Variants in SPPL3 observed in about 807,000 individuals in gnomAD.
SPPL3 encodes signal peptide peptidase like 3.
A neutral mutation model predicts 42.4 loss-of-function variants in SPPL3; 5 were observed. The ratio of observed to expected loss-of-function variants is 0.12; its 90% confidence interval spans 0.06 to 0.25. The LOEUF (loss-of-function observed/expected upper bound fraction) is 0.25, where lower values mean the gene tolerates loss of function less well. SPPL3 is among the 10% of genes least tolerant of loss of function. The probability of loss-of-function intolerance (pLI) is 1.00; values close to 1 mark genes in which losing one functional copy is unlikely to be tolerated. For synonymous variants in SPPL3, 195 were observed against 181.8 expected (o/e 1.07, Z -0.58); for missense variants, 235 against 489.0 (o/e 0.48, Z 4.90).
intron 1 of SPPL3, among the ~76,000 whole-genome samples, chr12:120,892,562 C>A (rs1168948): frequency 0.49 from 74,196 of 151,664 alleles, 18,332 homozygotes; most frequent in East Asian, 0.56. Flanking sequence ...TGAAGTAACA[C>A]GTAATATTTA....
chr12:120,818,664 A>G (rs959304072), intron 1 of SPPL3, among the ~76,000 whole-genome samples: 1 of 152,244 alleles, frequency 6.6e-6, no homozygotes, highest in East Asian at 1.9e-4. Flanking sequence ...AGCAACTACT[A>G]TTCTAACACT....
At chr12:120,879,682 T>C (rs1258080383) in intron 1 of SPPL3, among the ~76,000 whole-genome samples, 1 of 152,048 alleles carries the variant, frequency 6.6e-6, no homozygotes, top group Non-Finnish European at 1.5e-5. Context: ...AATTGCAGAG[T>C]CAAAAATACC....
intron 1 of SPPL3, among the ~76,000 whole-genome samples, chr12:120,894,995 G>T (rs191858850): frequency 1.3e-5 from 2 of 151,974 alleles, no homozygotes; most frequent in African/African-American, 2.4e-5. Flanking sequence ...CTCCTCCTCA[G>T]GCATTTTTAG....
At chr12:120,776,940 T>G (rs928836414) in intron 6 of SPPL3, among the ~76,000 whole-genome samples, 12 of 152,230 alleles carry the variant, frequency 7.9e-5, no homozygotes, top group Non-Finnish European at 1.8e-4. Context: ...TCATCCTGCT[T>G]AGGTGATTAC....
chr12:120,877,781 T>TAAAAAAA (rs201989284), intron 1 of SPPL3, among the ~76,000 whole-genome samples: 2 of 130,140 alleles, frequency 1.5e-5, no homozygotes, highest in African/African-American at 2.9e-5. Flanking sequence ...AACTCCGTCT[T>TAAAAAAA]AAAAAAAAAA....
intron 1 of SPPL3, among the ~76,000 whole-genome samples, chr12:120,882,684 T>C (rs1873328586): frequency 6.6e-6 from 1 of 152,120 alleles, no homozygotes; most frequent in African/African-American, 2.4e-5. Flanking sequence ...AAAAAGCATA[T>C]AACAAAACAC....
chr12:120,816,170 G>A (rs1051848074), intron 1 of SPPL3, among the ~76,000 whole-genome samples: 1 of 152,182 alleles, frequency 6.6e-6, no homozygotes, highest in Non-Finnish European at 1.5e-5. Context: ...ATATAAGAGT[G>A]TGACTAAGGT....
chr12:120,880,780 C>A (rs1290678367), intron 1 of SPPL3, among the ~76,000 whole-genome samples: 1 of 151,670 alleles, frequency 6.6e-6, no homozygotes, highest in African/African-American at 2.4e-5. Context: ...GAGAGAGACT[C>A]CGTCTCGGGG....
At chr12:120,874,363 G>T (rs1873014200) in intron 1 of SPPL3, among the ~76,000 whole-genome samples, 1 of 147,228 alleles carries the variant, frequency 6.8e-6, no homozygotes, top group Non-Finnish European at 1.5e-5. Context: ...TGAGGCAGGA[G>T]AATTGATTGA....
intron 1 of SPPL3, among the ~76,000 whole-genome samples, chr12:120,814,861 A>AC (rs1006970528): frequency 3.3e-5 from 5 of 151,796 alleles, no homozygotes; most frequent in Admixed American, 2.6e-4. Context: ...ATCTCCCTCT[A>AC]CCCCCCTTTT....
intron 1 of SPPL3, among the ~76,000 whole-genome samples, chr12:120,813,216 G>T (rs544976143): frequency 2.0e-4 from 30 of 151,532 alleles, no homozygotes; most frequent in African/African-American, 7.3e-4. Flanking sequence ...GCATACAGAG[G>T]AGGACATTAC....
rs1206809102 is a variant in SPPL3 at position 120,763,538 on chromosome 12, A to T, written c.*1461T>A. On this transcript the variant is annotated 3_prime_UTR_variant, in exon 11 of 11. Coordinates refer to ENST00000353487, the MANE Select transcript of SPPL3 (RefSeq NM_139015.5). ...AACCGCAGGCTTCTCTTTGCCTCTG[A>T]ACAATGGGCACCTTCTTACCAGGCA... The T allele has an allele frequency of 1.3e-5, 2 of 152,724 alleles. No homozygotes were observed. The highest frequency in any genetic ancestry group is 4.8e-5 in the African/African-American group (2 of 41,460). The allele number at this position is 152,724 out of a possible 1,614,324, so 9.5% of individuals were successfully genotyped here.
At position 120,810,663 on chromosome 12, in the gene SPPL3, A is replaced by C. The variant is rs537237064; in HGVS notation, c.101+146T>G. 76 of 666,922 alleles carry C rather than the reference A, an allele frequency of 1.1e-4. No individual in the cohort carries two copies. In the African/African-American group the frequency reaches 1.2e-3, roughly 11 times the overall value. The allele number at this position is 666,922 out of a possible 1,614,324, so 41.3% of individuals were successfully genotyped here. ...GTGTTTAACAGCAGCCAATTAAAGA[A>C]CAAATAGCAGAACTCTCTATTCTGA... On this transcript the variant is annotated intron_variant, in intron 2 of 10. Transcript: ENST00000353487.
chr12:120,789,269 C>T (rs979593793), intron 3 of SPPL3, among the ~76,000 whole-genome samples: 2 of 151,420 alleles, frequency 1.3e-5, no homozygotes, highest in Non-Finnish European at 2.9e-5. Context: ...GCCAGGGCAA[C>T]ATGGTGAAAC....
intron 1 of SPPL3, among the ~76,000 whole-genome samples, chr12:120,888,576 T>C (rs1873537342): frequency 1.3e-5 from 2 of 152,122 alleles, no homozygotes; most frequent in Admixed American, 1.3e-4. Context: ...AAGCTATGTA[T>C]CATTCGATTA....
chr12:120,806,460 GA>G (rs1310784620), intron 2 of SPPL3, among the ~76,000 whole-genome samples: 1 of 152,032 alleles, frequency 6.6e-6, no homozygotes, highest in African/African-American at 2.4e-5. Context: ...TTATAAAGAT[GA>G]AATTAAATTT....
intron 2 of SPPL3, 102 bp from the exon 3 acceptor site, chr12:120,791,659 A>C: frequency 1.3e-6 from 1 of 751,372 alleles, no homozygotes; most frequent in Non-Finnish European, 2.2e-6. Flanking sequence ...TTAGGAAAGA[A>C]GGTCTCTTTT....
intron 2 of SPPL3, among the ~76,000 whole-genome samples, chr12:120,792,388 T>A (rs949298886): frequency 1.3e-5 from 2 of 152,194 alleles, no homozygotes; most frequent in Non-Finnish European, 2.9e-5. Context: ...CTTAGCTAAT[T>A]TTCTGCTAGT....
At chr12:120,787,542 T>C (rs771782248) in intron 3 of SPPL3, among the ~76,000 whole-genome samples, 2 of 152,168 alleles carry the variant, frequency 1.3e-5, no homozygotes, top group Admixed American at 6.5e-5. Context: ...ACCTTTTTTA[T>C]GGTGAAGCAT....
Sources: allele counts gnomAD v4.1 joint callset (sites outside exome capture counted in the v4.1 genomes callset), GRCh38; gene constraint gnomAD v4.1.1; transcripts MANE v1.5; gene names NCBI Gene and HGNC (gene_info 2026-07-23, HGNC 2026-07-21).